Variants in SMYD3 observed in about 807,000 individuals in gnomAD.
SMYD3 encodes SET and MYND domain containing 3.
SMYD3 carries 36 observed loss-of-function variants against 57.7 expected under a neutral mutation model. That is an observed-to-expected ratio of 0.62 (90% CI 0.48 to 0.82). SMYD3 has a LOEUF of 0.82. Among genes scored for constraint, SMYD3 ranks in the 40% least tolerant of loss-of-function variants. SMYD3 has a pLI of 0.00. For missense variants in SMYD3, 515 were observed against 538.8 expected (o/e 0.96, Z 0.44); for synonymous variants, 211 against 195.0 (o/e 1.08, Z -0.68).
chr1:246,141,982 A>G (rs1460831236), intron 5 of SMYD3, among the ~76,000 whole-genome samples: 1 of 152,250 alleles, frequency 6.6e-6, no homozygotes, highest in African/African-American at 2.4e-5. Flanking sequence ...ACCTTTAAGC[A>G]AAAAGAACTT....
chr1:245,979,719 C>T (rs2058549653), intron 5 of SMYD3, among the ~76,000 whole-genome samples: 2 of 152,110 alleles, frequency 1.3e-5, no homozygotes, highest in Admixed American at 6.5e-5. Context: ...TGGTATGTCA[C>T]CATGGCCGTT....
At chr1:246,265,706 A>T (rs952630645) in intron 5 of SMYD3, among the ~76,000 whole-genome samples, 4 of 112,796 alleles carry the variant, frequency 3.5e-5, no homozygotes, top group Admixed American at 1.1e-4. Flanking sequence ...TGACCATCAC[A>T]TGTCTTAATA....
At chr1:245,947,729 C>T (rs1268972928) in intron 5 of SMYD3, among the ~76,000 whole-genome samples, 1 of 152,176 alleles carries the variant, frequency 6.6e-6, no homozygotes, top group African/African-American at 2.4e-5. Context: ...ATAGTTCGAT[C>T]AACTGTAAGA....
chr1:246,040,962 G>T (rs1333279559), intron 5 of SMYD3, among the ~76,000 whole-genome samples: 1 of 152,082 alleles, frequency 6.6e-6, no homozygotes, highest in Non-Finnish European at 1.5e-5. Flanking sequence ...ATATAGTCAC[G>T]CACTGCATAA....
intron 5 of SMYD3, among the ~76,000 whole-genome samples, chr1:246,173,072 G>C (rs1365632732): frequency 6.7e-6 from 1 of 150,200 alleles, no homozygotes; most frequent in Non-Finnish European, 1.5e-5. Context: ...CACAGGCCTA[G>C]AACACTCACT....
chr1:246,124,670 G>T (rs949877829), intron 5 of SMYD3, among the ~76,000 whole-genome samples: 1 of 152,204 alleles, frequency 6.6e-6, no homozygotes, highest in African/African-American at 2.4e-5. Context: ...GATGACATAA[G>T]GCCGGAGAGG....
chr1:246,291,891 T>A (rs2064698085), intron 5 of SMYD3, among the ~76,000 whole-genome samples: 1 of 152,124 alleles, frequency 6.6e-6, no homozygotes, highest in South Asian at 2.1e-4. Context: ...TTAGACTTAC[T>A]ATCCAACACA....
rs111521214 is a variant in SMYD3, at chr1:245,801,224, A to C, written c.1077-37075T>G. 5.4e-3 allele frequency among the ~76,000 whole-genome samples: 820 copies of C among 152,350 alleles called. 7 individuals are homozygous for C. Among genetic ancestry groups the C allele is most frequent in the African/African-American group, 0.018 (764 of 41,576 alleles). On this transcript the variant is annotated intron_variant, in intron 10 of 11. Coordinates refer to ENST00000490107, the MANE Select transcript of SMYD3 (RefSeq NM_001167740.2). ...AATGTTTAAAATAGCTAAACTTTTAAAAATGTGTTTGATGCTTTTATATGC... is the reference window on the plus strand; with the variant it reads ...AATGTTTAAAATAGCTAAACTTTTACAAATGTGTTTGATGCTTTTATATGC...
intron 10 of SMYD3, among the ~76,000 whole-genome samples, chr1:245,826,758 G>A (rs2049521501): frequency 1.3e-5 from 2 of 152,180 alleles, no homozygotes; most frequent in East Asian, 1.9e-4. Context: ...AGGTGAAGGC[G>A]AAGTGGAAGC....
intron 5 of SMYD3, among the ~76,000 whole-genome samples, chr1:246,080,273 C>A (rs941419567): frequency 7.9e-5 from 12 of 151,964 alleles, no homozygotes; most frequent in African/African-American, 2.9e-4. Context: ...AGAGCAGTGG[C>A]AGCACTGGAT....
chr1:246,346,187 G>C (rs1558414568), intron 2 of SMYD3, among the ~76,000 whole-genome samples: 3 of 152,134 alleles, frequency 2.0e-5, no homozygotes. Flanking sequence ...GGGAGGCTGA[G>C]GCAGGAGAAT....
In SMYD3 at chr1:246,275,802, C is replaced by A. The variant is rs1572324607; in HGVS notation, c.531+51399G>T. Among the ~76,000 whole-genome samples the A allele has an allele frequency of 2.7e-5, 4 of 149,582 alleles. No homozygotes were observed. In the Admixed American group the frequency reaches 2.7e-4, roughly 10 times the overall value. ...TTTTCACTAGCCGTATTAACACTGG[C>A]AAGTTATTTAATGCCTCTAGTGGAG... On this transcript the variant is annotated intron_variant, in intron 5 of 11. Transcript: ENST00000490107.
chr1:246,466,387 G>A (rs2067881348), intron 1 of SMYD3, among the ~76,000 whole-genome samples: 1 of 152,186 alleles, frequency 6.6e-6, no homozygotes, highest in Non-Finnish European at 1.5e-5. Context: ...GAACATGGAT[G>A]GAGCTGGAGG....
chr1:246,366,861 G>A (rs1011183467), intron 1 of SMYD3, among the ~76,000 whole-genome samples: 1 of 150,524 alleles, frequency 6.6e-6, no homozygotes. Context: ...AACCTGGGAG[G>A]TGGAGGTTGC....
At chr1:246,122,158 C>A (rs1367407959) in intron 5 of SMYD3, among the ~76,000 whole-genome samples, 1 of 152,026 alleles carries the variant, frequency 6.6e-6, no homozygotes, top group Admixed American at 6.6e-5. Flanking sequence ...GCCTGTAATC[C>A]CAGCACTTTG....
At chr1:246,356,486 T>C (rs2065911979) in intron 1 of SMYD3, among the ~76,000 whole-genome samples, 1 of 152,164 alleles carries the variant, frequency 6.6e-6, no homozygotes, top group Admixed American at 6.5e-5. Context: ...AGGTTAATTA[T>C]TAAGCTAATC....
rs1457087389 is a variant in SMYD3 at position 246,484,764 on chromosome 1, A to T, written c.164+22290T>A. On this transcript the variant is annotated intron_variant, in intron 1 of 11. Transcript: ENST00000490107. The stretch of plus-strand genomic sequence containing the variant: ...ATACCTAAACCATTGCACTAGTTAC[A>T]CCTGAAAACACATCACTTCAACCAA... Among the ~76,000 whole-genome samples the T allele has an allele frequency of 1.9e-5, 2 of 103,086 alleles. 1 individual carries two copies. The highest frequency in any genetic ancestry group is 7.1e-5 in the African/African-American group (2 of 28,002). The allele number at this position is 103,086 out of a possible 152,430, so 67.6% of individuals were successfully genotyped here.
intron 1 of SMYD3, among the ~76,000 whole-genome samples, chr1:246,482,426 T>C (rs2068123381): frequency 6.6e-6 from 1 of 151,906 alleles, no homozygotes. Flanking sequence ...ATAAGCATCA[T>C]GTGGCACAAA....
intron 5 of SMYD3, chr1:245,930,973 G>C (rs944475851): frequency 6.6e-6 from 1 of 152,234 alleles, no homozygotes; most frequent in Non-Finnish European, 1.5e-5. Flanking sequence ...AGGAGAAAGA[G>C]CAAGTGCGAA....
Sources: gnomAD v4.1 joint callset for allele counts (sites outside exome capture counted in the v4.1 genomes callset) on GRCh38, gnomAD v4.1.1 for gene constraint, MANE v1.5 for transcripts, NCBI Gene and HGNC (gene_info 2026-07-23, HGNC 2026-07-21) for gene names.